The following DOK4 variants were observed in gnomAD, a reference collection of about 807,000 sequenced individuals.
DOK4 encodes the protein downstream of tyrosine kinase 4.
Under a neutral mutation model 40.1 loss-of-function variants are expected in DOK4, and 26 were observed. The observed-to-expected ratio is 0.65, with a 90% confidence interval of 0.48 to 0.90. The LOEUF (loss-of-function observed/expected upper bound fraction) is 0.90, where lower values mean the gene tolerates loss of function less well. Ranked by LOEUF, DOK4 falls within the 40% of genes least tolerant of loss-of-function variation. The pLI, the probability that DOK4 is intolerant of heterozygous loss-of-function variation, is 0.00. For missense variants in DOK4, 392 were observed against 437.2 expected (o/e 0.90, Z 0.92); for synonymous variants, 179 against 177.0 (o/e 1.01, Z -0.09).
At chr16:57,483,289 C>T (rs569556126) in intron 1 of DOK4, among the ~76,000 whole-genome samples, 2 of 152,226 alleles carry the variant, frequency 1.3e-5, no homozygotes, top group South Asian at 2.1e-4. Context: ...GTTAAGCAAG[C>T]GAGGCGGCCC....
Position 57,479,367 on chromosome 16 carries a change from T to C in DOK4, c.66+75A>G. The C allele has an allele frequency of 6.5e-7, 1 of 1,540,230 alleles. No homozygotes were observed. Among genetic ancestry groups the C allele is most frequent in the Non-Finnish European group, 8.9e-7 (1 of 1,125,820 alleles). On this transcript the variant is annotated intron_variant, in intron 2 of 8. Transcript: ENST00000340099. The surrounding 1 kb of genome is among the most constrained non-coding windows in gnomAD (Gnocchi z 5.8). The stretch of plus-strand genomic sequence containing the variant: ...GGGCAGCCGCGTGCCCCACGCGCCA[T>C]GCCTCCAAGCCTGGGACCGAGTCCT...
Position 57,474,792 on chromosome 16 carries a change from C to A in DOK4, c.599+1G>T. ...AGGGCTGGGAGGCGAGAGGGTCCTA[C>A]CGGCCAGCCTCGAAGGTAAAGCGTG... On this transcript the variant is annotated splice_donor_variant, in intron 6 of 8. Transcript: ENST00000340099. LOFTEE classifies it high-confidence loss of function. 1 of 1,613,442 alleles carries A rather than the reference C, an allele frequency of 6.2e-7. No homozygotes were observed. The highest frequency in any genetic ancestry group is 8.5e-7 in the Non-Finnish European group (1 of 1,179,860).
At chr16:57,472,475 G>C (rs2030899531) in exon 9 of DOK4, 1 of 152,710 alleles carries the variant, frequency 6.5e-6, no homozygotes, top group African/African-American at 2.4e-5. Flanking sequence ...GAGTGCTTTT[G>C]GCTGGCCAGA....
chr16:57,477,128 G>C (rs1253873738), intron 2 of DOK4, among the ~76,000 whole-genome samples: 1 of 152,228 alleles, frequency 6.6e-6, no homozygotes, highest in Non-Finnish European at 1.5e-5. Flanking sequence ...AGGCCAGGGG[G>C]CCTCTAGGCC....
chr16:57,476,003 A>AC, intron 2 of DOK4, 46 bp from the exon 3 acceptor site: 1 of 1,496,482 alleles, frequency 6.7e-7, no homozygotes, highest in Admixed American at 1.9e-5. Context: ...GACCACTCCC[A>AC]CCCCACCAGC....
intron 1 of DOK4, among the ~76,000 whole-genome samples, chr16:57,482,459 C>T (rs1467298193): frequency 6.6e-6 from 1 of 150,506 alleles, no homozygotes; most frequent in Non-Finnish European, 1.5e-5. Context: ...CTCCGCCTCC[C>T]GGGTTCACGC....
At position 57,479,817 on chromosome 16, in the gene DOK4, G is replaced by A. The variant is rs1248336971; in HGVS notation, c.-181-129C>T. 7.2e-5 allele frequency: 20 copies of A among 277,966 alleles called. No homozygotes were observed. The highest frequency in any genetic ancestry group is 1.6e-4 in the African/African-American group (7 of 44,080). The allele number at this position is 277,966 out of a possible 1,614,324, so 17.2% of individuals were successfully genotyped here. A position where few individuals can be genotyped will look rare whatever the true frequency, so the allele number is the denominator to read the frequency against. ...CCCTCTTCCCTCCCTCCTTCCTCCC[G>A]CCCTTCTTCCTTCCCTTCCCTCCCC... On this transcript the variant is annotated intron_variant, in intron 1 of 8. Transcript: ENST00000340099. The surrounding 1 kb of genome is among the most constrained non-coding windows in gnomAD (Gnocchi z 5.8).
intron 6 of DOK4, 107 bp from the exon 7 acceptor site, chr16:57,474,146 G>T: frequency 6.6e-7 from 1 of 1,504,804 alleles, no homozygotes; most frequent in Non-Finnish European, 9.0e-7. Context: ...TCCAGGCCGG[G>T]AGGACAGGTA....
intron 1 of DOK4, among the ~76,000 whole-genome samples, chr16:57,483,006 AAG>A (rs2031458716): frequency 6.6e-6 from 1 of 152,142 alleles, no homozygotes; most frequent in Non-Finnish European, 1.5e-5. Context: ...CCCCAGCGGG[AAG>A]AGTGACCTTC....
At chr16:57,473,236 T>C in exon 9 of DOK4, 1 of 1,336,630 alleles carries the variant, frequency 7.5e-7, no homozygotes, top group Non-Finnish European at 9.9e-7. Flanking sequence ...TCCAGCCTCA[T>C]CCTTGGGGGC....
At chr16:57,474,210 A>G (rs181348343) in intron 6 of DOK4, among the ~76,000 whole-genome samples, 171 bp from the exon 7 acceptor site, 2 of 152,320 alleles carry the variant, frequency 1.3e-5, no homozygotes, top group East Asian at 3.9e-4. Context: ...AGCATATTCT[A>G]TACCAGCTGG....
chr16:57,472,458 G>C (rs1175623623), exon 9 of DOK4: 1 of 152,710 alleles, frequency 6.5e-6, no homozygotes, highest in Admixed American at 6.5e-5. Flanking sequence ...GGAAGGTCTT[G>C]GTTTCAGAGT....
Position 57,482,371 on chromosome 16 carries a change from T to G in DOK4, c.-181-2683A>C, listed in dbSNP as rs545608552. 4.2e-5 allele frequency among the ~76,000 whole-genome samples: 6 copies of G among 142,470 alleles called. No individual in the cohort carries two copies. In the South Asian group the frequency reaches 6.9e-4, roughly 16 times the overall value. The allele number at this position is 142,470 out of a possible 152,430, so 93.5% of individuals were successfully genotyped here. ...GTAGAGATGGGGCTTTTGTTTTTTT[T>G]TTTTTTTTTTTTTGAGACGGAGTCT... On this transcript the variant is annotated intron_variant, in intron 1 of 8. Transcript: ENST00000340099.
Position 57,473,251 on chromosome 16 carries a change from AG to A in DOK4, c.*125del, listed in dbSNP as rs561615746. On this transcript the variant is annotated 3_prime_UTR_variant, in exon 9 of 9. Coordinates refer to ENST00000340099, the Ensembl canonical transcript of DOK4. ...TCCAGCCTCATCCTTGGGGGCAAGG[AG>A]GGGGCAGCTTGCTCCCTTTCTCCAG... 51 of 1,391,160 alleles carry A rather than the reference AG, an allele frequency of 3.7e-5. No individual in the cohort carries two copies. The East Asian group carries it at 1.2e-3, about 33-fold the overall frequency. 86.2% of individuals were successfully genotyped at this position (1,391,160 alleles called of 1,614,324 possible).
At chr16:57,473,274 C>T in exon 9 of DOK4, 2 of 1,467,300 alleles carry the variant, frequency 1.4e-6, no homozygotes, top group Non-Finnish European at 1.8e-6. Flanking sequence ...CTCCCTTTCT[C>T]CAGGCTCTTG....
At chr16:57,475,615 A>T in exon 4 of DOK4, 2 of 1,593,144 alleles carry the variant, frequency 1.3e-6, no homozygotes, top group Non-Finnish European at 1.7e-6. Flanking sequence ...TGCTGATCTC[A>T]GTCACCTGGG....
chr16:57,474,904 T>C, exon 6 of DOK4: 1 of 1,614,110 alleles, frequency 6.2e-7, no homozygotes, highest in Middle Eastern at 1.7e-4. Context: ...GAGGTAGATG[T>C]TCTCGTGGGT....
intron 4 of DOK4, 47 bp downstream of exon 4, chr16:57,475,459 A>G (rs1370339848): frequency 1.9e-6 from 3 of 1,544,606 alleles, no homozygotes; most frequent in Non-Finnish European, 2.6e-6. Context: ...ACCTCTGACC[A>G]AGACCACCCC....
chr16:57,480,880 G>A (rs1321171314), intron 1 of DOK4, among the ~76,000 whole-genome samples: 8 of 152,208 alleles, frequency 5.3e-5, no homozygotes, highest in African/African-American at 1.7e-4. Context: ...CAGGCCTGGG[G>A]CAGAGCCAGG....
Sources: gnomAD v4.1 joint callset for allele counts (sites outside exome capture counted in the v4.1 genomes callset) on GRCh38, gnomAD v4.1.1 for gene constraint, Gnocchi (gnomAD v3.1) non-coding constraint, MANE v1.5 for transcripts, NCBI Gene and HGNC (gene_info 2026-07-23, HGNC 2026-07-21) for gene names.